Variants in NBAS observed in about 807,000 individuals in gnomAD.
The protein encoded by NBAS is NBAS subunit of NRZ tethering complex.
In NBAS, 219 loss-of-function variants were observed where a neutral mutation model predicts 302.5. The ratio of observed to expected loss-of-function variants is 0.72; its 90% CI spans 0.65 to 0.81. The LOEUF is 0.81. Ranked by LOEUF, NBAS falls within the 30% of genes least tolerant of loss-of-function variation. The pLI, the probability that NBAS is intolerant of heterozygous loss-of-function variation, is 0.00. For missense variants in NBAS, 2,932 were observed against 2,841.6 expected (o/e 1.03, Z -0.72); for synonymous variants, 1,118 against 1,021.6 (o/e 1.09, Z -1.80).
intron 32 of NBAS, among the ~76,000 whole-genome samples, chr2:15,366,295 G>A (rs533056006): frequency 7.9e-5 from 12 of 152,234 alleles, no homozygotes; most frequent in African/African-American, 1.9e-4. Flanking sequence ...GCTTGTCTTC[G>A]TTTAAGTAAT....
At chr2:15,484,007 G>C (rs1680528316) in intron 12 of NBAS, among the ~76,000 whole-genome samples, 1 of 152,174 alleles carries the variant, frequency 6.6e-6, no homozygotes, top group African/African-American at 2.4e-5. Flanking sequence ...AAGCTCACTT[G>C]ATTATTACTA....
At chr2:15,529,157 G>C (rs557459708) in intron 9 of NBAS, among the ~76,000 whole-genome samples, 1 of 151,826 alleles carries the variant, frequency 6.6e-6, no homozygotes, top group African/African-American at 2.4e-5. Context: ...TATTCGAAAA[G>C]TATATATATA....
chr2:14,912,027 C>A, the NBAS span, among the ~76,000 whole-genome samples: 236 of 152,250 alleles, frequency 1.6e-3, 1 homozygote, highest in African/African-American at 5.5e-3. Context: ...TACTACATGC[C>A]CGGGCTATAG....
At chr2:15,351,900 A>G in intron 35 of NBAS, 92 bp downstream of exon 35, 1 of 780,384 alleles carries the variant, frequency 1.3e-6, no homozygotes, top group Non-Finnish European at 2.2e-6. Flanking sequence ...ACACACACAC[A>G]CACAAAACCC....
intron 21 of NBAS, among the ~76,000 whole-genome samples, chr2:15,440,554 G>C (rs148626194): frequency 0.012 from 1,901 of 152,156 alleles, 28 homozygotes; most frequent in East Asian, 0.058. Context: ...CCACAAAGAT[G>C]GGGAAAAAAC....
chr2:15,187,983 C>G (rs1280426339), intron 49 of NBAS, among the ~76,000 whole-genome samples: 1 of 152,216 alleles, frequency 6.6e-6, no homozygotes, highest in African/African-American at 2.4e-5. Context: ...TCTTCCTACA[C>G]TCAAGGACTT....
the NBAS span, among the ~76,000 whole-genome samples, chr2:15,026,741 T>C: frequency 6.6e-6 from 1 of 152,178 alleles, no homozygotes; most frequent in African/African-American, 2.4e-5. Context: ...CTAACTCCCA[T>C]ATTGTACATG....
At chr2:14,957,459 A>G in the NBAS span, among the ~76,000 whole-genome samples, 1 of 152,236 alleles carries the variant, frequency 6.6e-6, no homozygotes, top group African/African-American at 2.4e-5. Context: ...AATACCCACT[A>G]TCTTTGCATC....
intron 44 of NBAS, among the ~76,000 whole-genome samples, chr2:15,245,782 T>A (rs766013153): frequency 2.0e-5 from 3 of 152,336 alleles, no homozygotes; most frequent in Non-Finnish European, 4.4e-5. Context: ...TTAGACATGG[T>A]GTGGCATAAA....
At chr2:15,518,736 G>A (rs1036531155) in intron 9 of NBAS, among the ~76,000 whole-genome samples, 2 of 152,178 alleles carry the variant, frequency 1.3e-5, no homozygotes, top group Non-Finnish European at 2.9e-5. Flanking sequence ...ACAAAAGAGA[G>A]TTTTATTGGA....
At chr2:15,227,738 TAC>T (rs1667204731) in intron 47 of NBAS, among the ~76,000 whole-genome samples, 4 of 152,084 alleles carry the variant, frequency 2.6e-5, no homozygotes, top group Admixed American at 2.6e-4. Context: ...CTGGGAAAAG[TAC>T]AGTCTCTTCA....
chr2:15,110,471 A>C, the NBAS span, among the ~76,000 whole-genome samples: 3 of 152,198 alleles, frequency 2.0e-5, no homozygotes, highest in Non-Finnish European at 4.4e-5. Context: ...ATAATGTACA[A>C]AGATGGACAG....
At chr2:15,186,693 T>C (rs372133394) in intron 50 of NBAS, 49 bp downstream of exon 50, 7 of 1,613,068 alleles carry the variant, frequency 4.3e-6, no homozygotes, top group Non-Finnish European at 5.9e-6. Flanking sequence ...TAAAGAGTTC[T>C]GATAAGCAAA....
At chr2:15,490,931 T>C (rs566941989) in intron 11 of NBAS, among the ~76,000 whole-genome samples, 1 of 152,240 alleles carries the variant, frequency 6.6e-6, no homozygotes, top group Non-Finnish European at 1.5e-5. Context: ...TGTTCCATTA[T>C]ACAACTCCAT....
chr2:15,410,759 G>C (rs976067662), intron 25 of NBAS, among the ~76,000 whole-genome samples: 1 of 152,136 alleles, frequency 6.6e-6, no homozygotes, highest in Non-Finnish European at 1.5e-5. Flanking sequence ...CTTGAGCTTT[G>C]CTAAAGCTTC....
intron 42 of NBAS, among the ~76,000 whole-genome samples, chr2:15,282,837 G>T (rs918993940): frequency 6.6e-6 from 1 of 152,084 alleles, no homozygotes; most frequent in African/African-American, 2.4e-5. Context: ...AGCCACAATG[G>T]TCTTCCTTTA....
chr2:15,276,295 C>CA (rs1339685768), intron 43 of NBAS, among the ~76,000 whole-genome samples: 13 of 152,250 alleles, frequency 8.5e-5, no homozygotes, highest in Admixed American at 5.2e-4. Context: ...GGAACTCTCA[C>CA]AATTATTATG....
chr2:14,899,614 T>C, the NBAS span, among the ~76,000 whole-genome samples: 1 of 152,248 alleles, frequency 6.6e-6, no homozygotes, highest in Non-Finnish European at 1.5e-5. Context: ...TACAGTCTAA[T>C]ATTTTAAAAG....
chr2:15,529,615 GTCACCC>G (rs1223818504), intron 9 of NBAS, among the ~76,000 whole-genome samples: 1 of 151,984 alleles, frequency 6.6e-6, no homozygotes, highest in Non-Finnish European at 1.5e-5. Context: ...TAAACAAGAG[GTCACCC>G]TCAACAGAAA....
Sources: allele counts gnomAD v4.1 joint callset (sites outside exome capture counted in the v4.1 genomes callset), GRCh38; gene constraint gnomAD v4.1.1; transcripts MANE v1.5; gene names NCBI Gene and HGNC (gene_info 2026-07-23, HGNC 2026-07-21).